SNTG1: variants seen among roughly 807,000 people sequenced by gnomAD.
SNTG1 encodes the protein syntrophin gamma 1, also known as gamma-1-syntrophin.
Under a neutral mutation model 74.7 loss-of-function variants are expected in SNTG1, and 39 were observed. The observed-to-expected ratio is 0.52, with a 90% CI of 0.40 to 0.68. The LOEUF is 0.68. Ranked by LOEUF, SNTG1 falls within the 30% of genes least tolerant of loss-of-function variation. The pLI is 0.00. For synonymous variants in SNTG1, 254 were observed against 217.1 expected (o/e 1.17, Z -1.49); for missense variants, 685 against 609.5 (o/e 1.12, Z -1.30).
intron 2 of SNTG1, among the ~76,000 whole-genome samples, chr8:50,366,651 A>G (rs1037282304): frequency 2.0e-5 from 3 of 147,326 alleles, no homozygotes; most frequent in Non-Finnish European, 3.0e-5. Context: ...TTATATATAT[A>G]TTATTTTGTA....
intron 17 of SNTG1, among the ~76,000 whole-genome samples, chr8:50,723,488 G>A (rs2095492605): frequency 6.6e-6 from 1 of 152,030 alleles, no homozygotes; most frequent in South Asian, 2.1e-4. Flanking sequence ...CTAAAGTTGG[G>A]CATTTCATAG....
chr8:50,167,267 T>TATA (rs1051126960), intron 1 of SNTG1, among the ~76,000 whole-genome samples: 1 of 111,264 alleles, frequency 9.0e-6, no homozygotes, highest in African/African-American at 3.4e-5. Context: ...AAACTTAAAG[T>TATA]ATAATAATAA....
At chr8:50,645,966 G>A (rs899076705) in intron 13 of SNTG1, among the ~76,000 whole-genome samples, 4 of 152,034 alleles carry the variant, frequency 2.6e-5, no homozygotes, top group African/African-American at 7.2e-5. Flanking sequence ...GGTCAAGTCT[G>A]TGTTGCCTTG....
At chr8:50,573,635 G>A (rs2094560982) in intron 12 of SNTG1, among the ~76,000 whole-genome samples, 1 of 151,788 alleles carries the variant, frequency 6.6e-6, no homozygotes, top group African/African-American at 2.4e-5. Flanking sequence ...TTGATAAACA[G>A]GATAATTCTC....
rs2093466808 is a variant in SNTG1 at position 50,452,527 on chromosome 8, G to A, written c.363+1798G>A. On this transcript the variant is annotated intron_variant, in intron 8 of 18. Transcript: ENST00000642720. ...TAGACGGAATGCAATTTGCCCTTCA[G>A]AGGCAGGCAGCATGCTTAGACAAAC... 2.0e-5 allele frequency among the ~76,000 whole-genome samples: 3 copies of A among 152,296 alleles called. No individual in the cohort carries two copies. In the South Asian group the frequency reaches 6.2e-4, roughly 32 times the overall value.
At chr8:50,710,988 A>C (rs2131558628) in intron 17 of SNTG1, among the ~76,000 whole-genome samples, 1 of 152,296 alleles carries the variant, frequency 6.6e-6, no homozygotes, top group East Asian at 1.9e-4. Flanking sequence ...TTAATCAAGA[A>C]GGTTATATTA....
chr8:50,770,249 C>CTG (rs910360790), intron 18 of SNTG1, among the ~76,000 whole-genome samples: 3 of 152,068 alleles, frequency 2.0e-5, no homozygotes, highest in African/African-American at 7.2e-5. Context: ...TTCCACTCTT[C>CTG]TGGAAAGGCA....
chr8:50,184,340 A>G (rs1310715606), intron 2 of SNTG1, among the ~76,000 whole-genome samples: 1 of 151,798 alleles, frequency 6.6e-6, no homozygotes, highest in African/African-American at 2.4e-5. Context: ...TAGTTTTTGT[A>G]TTTTTAGTAG....
intron 1 of SNTG1, among the ~76,000 whole-genome samples, chr8:50,171,225 A>G (rs2082795294): frequency 1.3e-5 from 2 of 152,120 alleles, no homozygotes; most frequent in African/African-American, 4.8e-5. Flanking sequence ...ACATACATAT[A>G]TATATATTTC....
At chr8:50,500,978 C>A (rs1020649076) in intron 8 of SNTG1, among the ~76,000 whole-genome samples, 2 of 152,210 alleles carry the variant, frequency 1.3e-5, no homozygotes, top group East Asian at 1.9e-4. Context: ...AGGACCTTGA[C>A]AAAGTGGCCT....
chr8:50,376,748 TATATATATAG>T (rs1281509533), intron 2 of SNTG1, among the ~76,000 whole-genome samples: 2,726 of 108,494 alleles, frequency 0.025, 41 homozygotes, highest in Non-Finnish European at 0.038. Flanking sequence ...TATATATATA[TATATATATAG>T]AGAGAGAGAG....
chr8:49,913,605 T>C (rs577913260), intron 1 of SNTG1, among the ~76,000 whole-genome samples: 12 of 152,190 alleles, frequency 7.9e-5, no homozygotes, highest in Admixed American at 5.2e-4. Flanking sequence ...TTGCCCTATA[T>C]AGGTCAAGAA....
chr8:50,161,475 G>T (rs2082413734), intron 1 of SNTG1, among the ~76,000 whole-genome samples: 1 of 152,180 alleles, frequency 6.6e-6, no homozygotes, highest in African/African-American at 2.4e-5. Flanking sequence ...ACTATTAATA[G>T]ATTACATGGA....
chr8:50,193,014 T>C (rs1334097116), intron 2 of SNTG1, among the ~76,000 whole-genome samples: 1 of 152,088 alleles, frequency 6.6e-6, no homozygotes, highest in Non-Finnish European at 1.5e-5. Context: ...TCTGTGTGCC[T>C]TTTTTTATAC....
chr8:49,915,344 G>T (rs1273546192), intron 1 of SNTG1, among the ~76,000 whole-genome samples: 1 of 152,056 alleles, frequency 6.6e-6, no homozygotes, highest in Non-Finnish European at 1.5e-5. Context: ...ATTTCCAATA[G>T]CATTCATTCA....
chr8:50,284,495 C>CT (rs1238202128), intron 2 of SNTG1, among the ~76,000 whole-genome samples: 1 of 152,074 alleles, frequency 6.6e-6, no homozygotes, highest in East Asian at 1.9e-4. Flanking sequence ...CAGATGGGTC[C>CT]TTTAACATCC....
intron 2 of SNTG1, among the ~76,000 whole-genome samples, chr8:50,265,346 A>G (rs2087409728): frequency 6.6e-6 from 1 of 152,134 alleles, no homozygotes; most frequent in Non-Finnish European, 1.5e-5. Flanking sequence ...AATCTAATAC[A>G]TCATATTATT....
Position 50,307,469 on chromosome 8 carries a change from C to T in SNTG1, c.-27-86743C>T, listed in dbSNP as rs551280053. Among the ~76,000 whole-genome samples the T allele has an allele frequency of 1.1e-4, 17 of 151,846 alleles. 1 individual carries two copies. Among genetic ancestry groups the T allele is most frequent in the African/African-American group, 3.9e-4 (16 of 41,444 alleles). On this transcript the variant is annotated intron_variant, in intron 2 of 18. Transcript: ENST00000642720. Reference sequence around the variant, plus strand: ...TTATTTTTTATTTCAAAAAAATTTCCTCTCTTCCATCTTTCTGTTTCAAGG... The same window carrying T: ...TTATTTTTTATTTCAAAAAAATTTCTTCTCTTCCATCTTTCTGTTTCAAGG...
intron 1 of SNTG1, among the ~76,000 whole-genome samples, chr8:49,925,492 C>T (rs1806944486): frequency 6.6e-6 from 1 of 152,144 alleles, no homozygotes; most frequent in Admixed American, 6.5e-5. Context: ...GTGTGGAGTT[C>T]TGTGTGGTTT....
Sources: allele counts gnomAD v4.1 joint callset (sites outside exome capture counted in the v4.1 genomes callset), GRCh38; gene constraint gnomAD v4.1.1; transcripts MANE v1.5; gene names NCBI Gene and HGNC (gene_info 2026-07-23, HGNC 2026-07-21).